The following EXOC6B variants were observed in gnomAD, a reference collection of about 807,000 sequenced individuals.
The protein encoded by EXOC6B is exocyst complex component 6B, also known as SEC15 homolog B.
Under a neutral mutation model 113.5 loss-of-function variants are expected in EXOC6B, and 54 were observed. The observed-to-expected ratio is 0.48, with a 90% confidence interval of 0.38 to 0.60. The LOEUF (loss-of-function observed/expected upper bound fraction) is 0.60. EXOC6B is among the 20% of genes least tolerant of loss of function. The probability of loss-of-function intolerance (pLI) is 0.00; values close to 1 mark genes in which losing one functional copy is unlikely to be tolerated. For missense variants in EXOC6B, 797 were observed against 977.5 expected, an observed-to-expected ratio of 0.82 and a Z score of 2.46; for synonymous variants, 357 against 339.0, an observed-to-expected ratio of 1.05 and a Z score of -0.58.
rs142008381 is a variant in EXOC6B at position 72,337,068 on chromosome 2, A to G, written c.2123-2048T>C. Among the ~76,000 whole-genome samples the G allele has an allele frequency of 2.6e-5, 4 of 152,270 alleles. No homozygotes were observed. In the East Asian group the frequency reaches 7.7e-4, roughly 29 times the overall value. ...TGAAGATTTTATGAAGGCCATGTTA[A>G]TAAAAAGCTTGATATAATCCATTGT... On this transcript the variant is annotated intron_variant, in intron 19 of 21. Coordinates refer to ENST00000272427, the MANE Select transcript of EXOC6B (RefSeq NM_015189.3).
At chr2:72,300,274 T>C (rs1233691084) in intron 20 of EXOC6B, among the ~76,000 whole-genome samples, 3 of 152,168 alleles carry the variant, frequency 2.0e-5, no homozygotes, top group Non-Finnish European at 2.9e-5. Flanking sequence ...TGCTGAGCTG[T>C]GGTGGGTTCC....
intron 20 of EXOC6B, among the ~76,000 whole-genome samples, chr2:72,313,030 T>C (rs1241439688): frequency 3.3e-5 from 5 of 152,120 alleles, no homozygotes; most frequent in Non-Finnish European, 7.4e-5. Context: ...GCCACTTTAT[T>C]CTGGTGTCTC....
At chr2:72,616,541 A>G (rs561925531) in intron 6 of EXOC6B, among the ~76,000 whole-genome samples, 18 of 152,346 alleles carry the variant, frequency 1.2e-4, no homozygotes, top group Non-Finnish European at 1.5e-4. Context: ...TGAAGGCAAG[A>G]AGGAACAAGT....
chr2:72,623,938 C>T (rs1196853740), intron 6 of EXOC6B, among the ~76,000 whole-genome samples: 1 of 152,218 alleles, frequency 6.6e-6, no homozygotes, highest in Admixed American at 6.5e-5. Flanking sequence ...AACTTTGATA[C>T]TGTACCTGCA....
At chr2:72,606,474 G>T (rs1311203701) in intron 6 of EXOC6B, among the ~76,000 whole-genome samples, 2 of 151,896 alleles carry the variant, frequency 1.3e-5, no homozygotes, top group Admixed American at 6.6e-5. Flanking sequence ...ATTAGTGATG[G>T]TTCTATACAA....
At chr2:72,590,482 T>C (rs1186121755) in intron 6 of EXOC6B, among the ~76,000 whole-genome samples, 3 of 151,970 alleles carry the variant, frequency 2.0e-5, no homozygotes, top group Non-Finnish European at 2.9e-5. Context: ...AAATTCTACA[T>C]ATAACAACAA....
In EXOC6B at chr2:72,245,904, G is replaced by A. The variant is rs201697854; in HGVS notation, c.2197-61717C>T. On this transcript the variant is annotated intron_variant, in intron 20 of 21. Transcript: ENST00000272427. ...TTGGTCTCTTACACTGATTCTTTCT[G>A]TAGTTAGAATGATTTAAAAAACAAA... Among the ~76,000 whole-genome samples, 15 of 152,240 alleles carry A rather than the reference G, an allele frequency of 9.9e-5. No homozygotes were observed. The East Asian group carries it at 2.5e-3, about 25-fold the overall frequency.
intron 1 of EXOC6B, among the ~76,000 whole-genome samples, chr2:72,819,240 A>G (rs909826758): frequency 6.6e-6 from 1 of 152,228 alleles, no homozygotes; most frequent in South Asian, 2.1e-4. Flanking sequence ...ATATAATAAC[A>G]TGCATATAAA....
At chr2:72,649,369 G>C (rs1335188879) in intron 6 of EXOC6B, among the ~76,000 whole-genome samples, 1 of 152,140 alleles carries the variant, frequency 6.6e-6, no homozygotes, top group African/African-American at 2.4e-5. Context: ...TAGATTGCTT[G>C]TAACACAAAA....
intron 2 of EXOC6B, among the ~76,000 whole-genome samples, chr2:72,738,214 T>A (rs1206600573): frequency 6.6e-6 from 1 of 152,158 alleles, no homozygotes; most frequent in Admixed American, 6.5e-5. Flanking sequence ...ACTCTCATGT[T>A]CTCATGCATG....
chr2:72,240,707 C>G (rs1301896703), intron 20 of EXOC6B, among the ~76,000 whole-genome samples: 6 of 151,944 alleles, frequency 3.9e-5, no homozygotes, highest in Admixed American at 3.9e-4. Flanking sequence ...GTGTTATATG[C>G]TACTATAAAG....
chr2:72,377,965 G>GA (rs11395477), intron 19 of EXOC6B, among the ~76,000 whole-genome samples: 51,963 of 148,150 alleles, frequency 0.35, 14,376 homozygotes, highest in African/African-American at 0.78. Flanking sequence ...ATACAATTAA[G>GA]AAAAAAAAAA....
In EXOC6B at chr2:72,212,192, G is replaced by A. The variant is rs560347550; in HGVS notation, c.2197-28005C>T. 1.1e-4 allele frequency among the ~76,000 whole-genome samples: 17 copies of A among 152,254 alleles called. No individual in the cohort carries two copies. In the South Asian group the frequency reaches 3.3e-3, roughly 30 times the overall value. On this transcript the variant is annotated intron_variant, in intron 20 of 21. Transcript: ENST00000272427. The stretch of plus-strand genomic sequence containing the variant: ...TAGGAAGGTATAATTTTGCCCTTGG[G>A]GGATGTCTAGATGTAAGGAGCAAAA...
intron 8 of EXOC6B, among the ~76,000 whole-genome samples, chr2:72,556,137 C>T (rs144818658): frequency 6.7e-4 from 102 of 152,286 alleles, no homozygotes; most frequent in African/African-American, 2.4e-3. Context: ...GTCGAGGCAA[C>T]AGATTTTTGA....
At chr2:72,343,602 T>C (rs1483340261) in intron 19 of EXOC6B, among the ~76,000 whole-genome samples, 16 of 152,188 alleles carry the variant, frequency 1.1e-4, no homozygotes, top group Non-Finnish European at 4.4e-5. Flanking sequence ...GCAGGGCAGG[T>C]CTGGTAGGAA....
chr2:72,290,526 ACT>A lies in EXOC6B; in HGVS notation c.2196+44419_2196+44420del. ...ATCCTTATAATATACATAAAAATATACTTAGTCTTTTAAAAATTGATACTTAA... is the reference window on the plus strand; with the variant it reads ...ATCCTTATAATATACATAAAAATATATAGTCTTTTAAAAATTGATACTTAA... On this transcript the variant is annotated intron_variant, in intron 20 of 21. Coordinates refer to ENST00000272427, the MANE Select transcript of EXOC6B (RefSeq NM_015189.3). 1.3e-5 allele frequency among the ~76,000 whole-genome samples: 2 copies of A among 152,224 alleles called. 1 individual carries two copies. Among genetic ancestry groups the A allele is most frequent in the South Asian group, 4.1e-4 (2 of 4,830 alleles).
chr2:72,773,903 T>A (rs1026722355), intron 1 of EXOC6B, among the ~76,000 whole-genome samples: 7 of 152,224 alleles, frequency 4.6e-5, no homozygotes, highest in Non-Finnish European at 1.0e-4. Context: ...TAATTTTATA[T>A]AAATATTCTT....
intron 18 of EXOC6B, chr2:72,463,800 TA>T (rs749100585): frequency 4.6e-5 from 7 of 152,314 alleles, no homozygotes; most frequent in Non-Finnish European, 8.8e-5. Flanking sequence ...CAGAATAATG[TA>T]ACAAAATCCC....
chr2:72,668,957 T>G (rs1675588712), intron 6 of EXOC6B, among the ~76,000 whole-genome samples: 1 of 152,158 alleles, frequency 6.6e-6, no homozygotes. Flanking sequence ...TGTGGTGGCA[T>G]GCACCTGTGG....
Sources: gnomAD v4.1 joint callset for allele counts (sites outside exome capture counted in the v4.1 genomes callset) on GRCh38, gnomAD v4.1.1 for gene constraint, MANE v1.5 for transcripts, NCBI Gene and HGNC (gene_info 2026-07-23, HGNC 2026-07-21) for gene names.